The following BRPF1 variants were observed in gnomAD, a reference collection of about 807,000 sequenced individuals.
BRPF1 encodes the protein bromodomain and PHD finger containing 1, also known as peregrin.
Under a neutral mutation model 115.0 loss-of-function variants are expected in BRPF1, and 15 were observed. That is an observed-to-expected ratio of 0.13 (90% CI 0.09 to 0.20). The LOEUF is 0.20. Among genes scored for constraint, BRPF1 ranks in the 10% least tolerant of loss-of-function variants. BRPF1 has a pLI of 1.00. For missense variants in BRPF1, 1,118 were observed against 1,638.3 expected (o/e 0.68, Z 5.48); for synonymous variants, 647 against 619.8 (o/e 1.04, Z -0.65).
At position 9,743,870 on chromosome 3, in the gene BRPF1, AGAG is replaced by A; in HGVS notation, c.2608_2610del (p.Glu870del). The A allele has an allele frequency of 6.3e-7, 1 of 1,590,430 alleles. No individual in the cohort carries two copies. The highest frequency in any genetic ancestry group is 2.2e-5 in the East Asian group (1 of 44,460). On this transcript the variant is annotated inframe_deletion, in exon 8 of 14. Transcript: ENST00000383829. This position sits in a 1 kb window ranked among gnomAD's most constrained non-coding sequence, Gnocchi z 6.1. The stretch of plus-strand genomic sequence containing the variant: ...AGGATGGGCAGACAGATAGTGCGGC[AGAG>A]GAGAGCAGCAGCCAGGAGACAAGCA...
At chr3:9,740,736 A>G in intron 3 of BRPF1, 43 bp from the exon 4 acceptor site, 1 of 1,607,308 alleles carries the variant, frequency 6.2e-7, no homozygotes, top group Non-Finnish European at 8.5e-7. Context: ...GCTTAAGAGA[A>G]TCAGGGCCCA....
At chr3:9,746,201 T>G in intron 12 of BRPF1, 99 bp from the exon 13 acceptor site, 2 of 1,406,578 alleles carry the variant, frequency 1.4e-6, no homozygotes, top group Non-Finnish European at 1.9e-6. Flanking sequence ...CATGATACCC[T>G]CTCTGTCCCC....
rs768287888 is a variant in BRPF1, at chr3:9,734,443, G to A, written c.303G>A (p.Val101=). Residue 101 remains valine (V), a synonymous_variant, in exon 2 of 14, where the codon GTG becomes GTA. Transcript: ENST00000383829. The surrounding 1 kb of genome is among the most constrained non-coding windows in gnomAD (Gnocchi z 5.7). ...SYAQAQRMVE[V]DLHGRVHRIS... is the part of the protein sequence containing the mutation. ...CACAGGCCCAGCGCATGGTGGAGGT[G>A]GACTTGCATGGCCGCGTCCACCGCA... 9 of 1,614,082 alleles carry A rather than the reference G, an allele frequency of 5.6e-6. No homozygotes were observed. Among genetic ancestry groups the A allele is most frequent in the Non-Finnish European group, 7.6e-6 (9 of 1,180,028 alleles).
intron 1 of BRPF1, chr3:9,732,419 C>T (rs750173703): frequency 3.9e-5 from 6 of 152,208 alleles, no homozygotes; most frequent in African/African-American, 1.2e-4. Context: ...ACTGCCGGGG[C>T]CCAGCCCTAT....
rs188041927 is a variant in BRPF1, at chr3:9,734,074, G to A, written c.-10-57G>A. 2.3e-4 allele frequency: 344 copies of A among 1,521,514 alleles called. No individual in the cohort carries two copies. Among genetic ancestry groups the A allele is most frequent in the Non-Finnish European group, 2.8e-4 (323 of 1,136,294 alleles). The allele number at this position is 1,521,514 out of a possible 1,614,324, so 94.3% of individuals were successfully genotyped here. ...AGGGCTAGAAAGACTGGGGTCTCTG[G>A]TGCAAATGGCCAGGAACTCATCCCC... On this transcript the variant is annotated intron_variant, in intron 1 of 13. Transcript: ENST00000383829. This position sits in a 1 kb window ranked among gnomAD's most constrained non-coding sequence, Gnocchi z 5.7.
rs965724705 is a variant in BRPF1, at chr3:9,741,298, G to C, written c.1723-10G>C. 1 of 1,553,522 alleles carries C rather than the reference G, an allele frequency of 6.4e-7. No homozygotes were observed. Among genetic ancestry groups the C allele is most frequent in the African/African-American group, 1.4e-5 (1 of 72,248 alleles). On this transcript the variant is annotated splice_polypyrimidine_tract_variant and intron_variant, in intron 4 of 13. Coordinates refer to ENST00000383829, the MANE Select transcript of BRPF1 (RefSeq NM_001003694.2). Reference sequence around the variant, plus strand: ...CTAATCATCCTCTGATCTTCGTTTTGCCTCTACAGAGAGATTCTGAGGATA... The same window carrying C: ...CTAATCATCCTCTGATCTTCGTTTTCCCTCTACAGAGAGATTCTGAGGATA...
intron 4 of BRPF1, 86 bp from the exon 5 acceptor site, chr3:9,741,222 G>A (rs2077023776): frequency 6.8e-7 from 1 of 1,480,604 alleles, no homozygotes; most frequent in Non-Finnish European, 9.0e-7. Flanking sequence ...CTTTTGGCTT[G>A]ACCTGAGTTT....
rs772905341 is a variant in BRPF1, at chr3:9,744,205, C to T, written c.2636-19C>T. 1 of 1,515,994 alleles carries T rather than the reference C, an allele frequency of 6.6e-7. No individual in the cohort carries two copies. The highest frequency in any genetic ancestry group is 8.8e-7 in the Non-Finnish European group (1 of 1,132,814). 93.9% of individuals were successfully genotyped at this position (1,515,994 alleles called of 1,614,324 possible). A position where few individuals can be genotyped will look rare whatever the true frequency, so the allele number is the denominator to read the frequency against. ...ATCAGGCCCCTCACCAACTCTCCTT[C>T]TTTCTTTCTCTGCTCCAGGCCTGGG... On this transcript the variant is annotated intron_variant, in intron 8 of 13. Coordinates refer to ENST00000383829, the MANE Select transcript of BRPF1 (RefSeq NM_001003694.2).
intron 12 of BRPF1, 80 bp from the exon 13 acceptor site, chr3:9,746,220 C>G: frequency 6.8e-7 from 1 of 1,464,460 alleles, no homozygotes; most frequent in Middle Eastern, 2.1e-4. Context: ...CCACTTCAGA[C>G]ATACTCTCTA....
chr3:9,745,786 A>T lies in BRPF1; in HGVS notation c.3206-26A>T. 1.2e-6 allele frequency: 2 copies of T among 1,610,792 alleles called. No individual in the cohort carries two copies. Among genetic ancestry groups the T allele is most frequent in the South Asian group, 2.2e-5 (2 of 90,950 alleles). ...TCGCCAGCCCCCCAGCTGCTGATCC[A>T]CCCCCTCTCCCCCATTCCTGTGAAG... On this transcript the variant is annotated intron_variant, in intron 11 of 13. Transcript: ENST00000383829. The surrounding 1 kb of genome is among the most constrained non-coding windows in gnomAD (Gnocchi z 5.1).
chr3:9,739,075 G>A lies in BRPF1; in HGVS notation c.676G>A (p.Asp226Asn). 1 of 1,613,318 alleles carries A rather than the reference G, an allele frequency of 6.2e-7. No homozygotes were observed. Among genetic ancestry groups the A allele is most frequent in the Non-Finnish European group, 8.5e-7 (1 of 1,179,510 alleles). Residue 226 changes from aspartate (D) to asparagine (N), a missense_variant, in exon 3 of 14, where the codon GAT becomes AAT. Physicochemically the swap from Asp to Asn is conservative, Grantham distance 23. Around this residue, in one of 10 missense-constraint regions of BRPF1, gnomAD observed 280 missense variants for 382.8 expected, o/e 0.73. Coordinates refer to ENST00000383829, the MANE Select transcript of BRPF1 (RefSeq NM_001003694.2). ...DMDEEDYIWL[D>N]IMNERRKTEG... ...GGACGAGGAGGACTACATCTGGCTG[G>A]ATATCATGAATGAGCGTCGGAAGAC...
At position 9,743,489 on chromosome 3, in the gene BRPF1, G is replaced by A; in HGVS notation, c.2312-89G>A. 1.4e-6 allele frequency: 2 copies of A among 1,425,844 alleles called. No individual in the cohort carries two copies. Among genetic ancestry groups the A allele is most frequent in the South Asian group, 1.3e-5 (1 of 76,314 alleles). The allele number at this position is 1,425,844 out of a possible 1,614,324, so 88.3% of individuals were successfully genotyped here. On this transcript the variant is annotated intron_variant, in intron 7 of 13. Transcript: ENST00000383829. This position sits in a 1 kb window ranked among gnomAD's most constrained non-coding sequence, Gnocchi z 6.1. ...TGTTCCTGGTGAGAAGCCCAGGGGG[G>A]ATGAGTGGGTTTCTTGCTGCCTGCC...
In BRPF1 at chr3:9,739,380, T is replaced by C; in HGVS notation, c.981T>C (p.Ala327=). The change falls in exon 3 of 14, where the codon GCT becomes GCC. Residue 327 remains alanine (A), a synonymous_variant. Coordinates refer to ENST00000383829, the MANE Select transcript of BRPF1 (RefSeq NM_001003694.2). The part of the protein sequence containing the change: ...CRRCLQSPSR[A]VDCALCPNKG... ...GTTGCCTGCAGTCACCCTCTCGTGC[T>C]GTGGATTGTGCCCTGTGCCCCAACA... is the stretch of plus-strand genomic sequence containing the variant. The C allele has an allele frequency of 6.2e-7, 1 of 1,614,210 alleles. No individual in the cohort carries two copies. Among genetic ancestry groups the C allele is most frequent in the Non-Finnish European group, 8.5e-7 (1 of 1,180,042 alleles).
chr3:9,740,975 C>G lies in BRPF1; in HGVS notation c.1722+34C>G, dbSNP rs368143990. 18 of 1,593,916 alleles carry G rather than the reference C, an allele frequency of 1.1e-5. No homozygotes were observed. The African/African-American group carries it at 2.1e-4, about 19-fold the overall frequency. On this transcript the variant is annotated intron_variant, in intron 4 of 13. Coordinates refer to ENST00000383829, the MANE Select transcript of BRPF1 (RefSeq NM_001003694.2). The stretch of plus-strand genomic sequence containing the variant: ...TCCAGTTCCCTGTGGGCTCTGGGAA[C>G]TAGCGCCAGGGGGACGAAAACCAAA...
rs2077064761 is a variant in BRPF1, at chr3:9,743,394, C to T, written c.2311+141C>T. 1 of 1,283,512 alleles carries T rather than the reference C, an allele frequency of 7.8e-7. No homozygotes were observed. Among genetic ancestry groups the T allele is most frequent in the Admixed American group, 2.6e-5 (1 of 38,080 alleles). 79.5% of individuals were successfully genotyped at this position (1,283,512 alleles called of 1,614,324 possible). On this transcript the variant is annotated intron_variant, in intron 7 of 13. Coordinates refer to ENST00000383829, the MANE Select transcript of BRPF1 (RefSeq NM_001003694.2). The surrounding 1 kb of genome is among the most constrained non-coding windows in gnomAD (Gnocchi z 6.1). ...GCAAGCTATCCCCAGGAATGCTCCCCAAGAAGCCAGACTGGGTGAATGGAT... is the reference window on the plus strand; with the variant it reads ...GCAAGCTATCCCCAGGAATGCTCCCTAAGAAGCCAGACTGGGTGAATGGAT...
intron 1 of BRPF1, chr3:9,733,175 C>T (rs1354127281): frequency 1.3e-5 from 2 of 152,252 alleles, no homozygotes; most frequent in Non-Finnish European, 2.9e-5. Context: ...TTTCACAGTA[C>T]ATCTCCTACC....
intron 1 of BRPF1, chr3:9,733,209 T>A (rs971845666): frequency 6.6e-6 from 1 of 152,210 alleles, no homozygotes; most frequent in African/African-American, 2.4e-5. Flanking sequence ...AGGCTCCCCA[T>A]AAAGACCTCA....
chr3:9,744,705 T>G (rs1336151061), intron 9 of BRPF1, among the ~76,000 whole-genome samples, 197 bp downstream of exon 9: 1 of 152,190 alleles, frequency 6.6e-6, no homozygotes, highest in Non-Finnish European at 1.5e-5. Context: ...TAAAGTCCCA[T>G]CCAGGGCCCC....
Position 9,744,321 on chromosome 3 carries a change from C to T in BRPF1, c.2733C>T (p.Pro911=). ...SKKNPKTAGP[P]KRPGRPPKNR... ...AGAACCCGAAGACAGCTGGACCGCC[C>T]AAGAGGCCGGGCCGGCCCCCCAAAA... Residue 911 remains proline (P), a synonymous_variant, in exon 9 of 14, where the codon CCC becomes CCT. Coordinates refer to ENST00000383829, the MANE Select transcript of BRPF1 (RefSeq NM_001003694.2). 1 of 1,613,518 alleles carries T rather than the reference C, an allele frequency of 6.2e-7. No homozygotes were observed. Among genetic ancestry groups the T allele is most frequent in the Non-Finnish European group, 8.5e-7 (1 of 1,179,722 alleles).
Sources: allele counts gnomAD v4.1 joint callset (sites outside exome capture counted in the v4.1 genomes callset), GRCh38; gene constraint gnomAD v4.1.1; regional missense constraint gnomAD v4.1.1; non-coding constraint Gnocchi (gnomAD v3.1); transcripts MANE v1.5; gene names NCBI Gene and HGNC (gene_info 2026-07-23, HGNC 2026-07-21).